Variants in ROBO1 observed in about 807,000 individuals in gnomAD.
ROBO1 encodes the protein roundabout homolog 1.
A neutral mutation model predicts 195.9 loss-of-function variants in ROBO1; 149 were observed. That is an observed-to-expected ratio of 0.76 (90% CI 0.67 to 0.87). ROBO1 has a LOEUF of 0.87. Among genes scored for constraint, ROBO1 ranks in the 40% least tolerant of loss-of-function variants. ROBO1 has a pLI of 0.00. For synonymous variants in ROBO1, 816 were observed against 733.2 expected (o/e 1.11, Z -1.82); for missense variants, 1,933 against 2,068.3 (o/e 0.93, Z 1.27).
At chr3:79,029,040 T>G (rs1290332796) in intron 3 of ROBO1, among the ~76,000 whole-genome samples, 1 of 152,082 alleles carries the variant, frequency 6.6e-6, no homozygotes, top group Non-Finnish European at 1.5e-5. Context: ...GAGAGTATAG[T>G]GTTTAACATT....
At chr3:78,850,311 A>C (rs1024085867) in intron 4 of ROBO1, among the ~76,000 whole-genome samples, 5 of 152,204 alleles carry the variant, frequency 3.3e-5, no homozygotes, top group African/African-American at 1.2e-4. Flanking sequence ...GTAGCTAAAT[A>C]AGGACAATAA....
intron 10 of ROBO1, among the ~76,000 whole-genome samples, chr3:78,684,341 T>A (rs2081001590): frequency 6.6e-6 from 1 of 152,108 alleles, no homozygotes; most frequent in African/African-American, 2.4e-5. Context: ...AAGGAATCAA[T>A]GATGATAAAA....
chr3:79,440,882 A>G (rs776762278), intron 2 of ROBO1, among the ~76,000 whole-genome samples: 6 of 152,110 alleles, frequency 3.9e-5, no homozygotes, highest in African/African-American at 9.7e-5. Context: ...GATGCCATCA[A>G]ATGGATTCAG....
At chr3:79,170,892 T>A (rs945807441) in intron 2 of ROBO1, among the ~76,000 whole-genome samples, 4 of 152,078 alleles carry the variant, frequency 2.6e-5, no homozygotes, top group Non-Finnish European at 5.9e-5. Flanking sequence ...TTCATTTCTT[T>A]TTAACAGAGT....
chr3:78,978,284 A>G (rs1447335970), intron 3 of ROBO1, among the ~76,000 whole-genome samples: 2 of 152,250 alleles, frequency 1.3e-5, no homozygotes, highest in Non-Finnish European at 2.9e-5. Context: ...AGGGAAATCC[A>G]TGTGTAACTT....
intron 2 of ROBO1, among the ~76,000 whole-genome samples, chr3:79,436,942 A>T (rs1197644922): frequency 6.6e-6 from 1 of 152,056 alleles, no homozygotes; most frequent in Non-Finnish European, 1.5e-5. Flanking sequence ...TATAGGATTC[A>T]TCTCTTTTAT....
chr3:78,624,200 T>C (rs1403015127), intron 26 of ROBO1, among the ~76,000 whole-genome samples: 2 of 152,262 alleles, frequency 1.3e-5, no homozygotes, highest in South Asian at 2.1e-4. Flanking sequence ...AGAAGAAAGA[T>C]TGAAAGGATC....
At chr3:78,834,560 TTTC>T (rs2106652679) in intron 4 of ROBO1, among the ~76,000 whole-genome samples, 1 of 151,814 alleles carries the variant, frequency 6.6e-6, no homozygotes, top group South Asian at 2.1e-4. Context: ...TATGTATTCA[TTTC>T]ATCATCAGGG....
chr3:79,203,651 C>G (rs542161479), intron 2 of ROBO1, among the ~76,000 whole-genome samples: 1 of 152,274 alleles, frequency 6.6e-6, no homozygotes, highest in Non-Finnish European at 1.5e-5. Context: ...TTCAATTTAA[C>G]TCATATATAG....
chr3:78,914,427 G>A (rs1222551088), intron 4 of ROBO1, among the ~76,000 whole-genome samples: 1 of 151,862 alleles, frequency 6.6e-6, no homozygotes, highest in Non-Finnish European at 1.5e-5. Context: ...TTGTTGAAAA[G>A]GTTTAAGGTT....
chr3:79,231,317 C>T (rs964113108), intron 2 of ROBO1, among the ~76,000 whole-genome samples: 1 of 151,856 alleles, frequency 6.6e-6, no homozygotes, highest in Non-Finnish European at 1.5e-5. Context: ...AAACTATGTA[C>T]CTGACAAAAG....
At chr3:79,567,398 G>A (rs1943123946) in intron 2 of ROBO1, among the ~76,000 whole-genome samples, 1 of 152,082 alleles carries the variant, frequency 6.6e-6, no homozygotes, top group Non-Finnish European at 1.5e-5. Context: ...AGTTAGAAAA[G>A]GAGAGAATAA....
intron 3 of ROBO1, among the ~76,000 whole-genome samples, chr3:79,008,888 CGTGTGTGTGTGTGTGT>C (rs375134341): frequency 8.2e-5 from 10 of 121,230 alleles, no homozygotes; most frequent in East Asian, 2.5e-4. Flanking sequence ...TGCACCCAGC[CGTGTGTGTGTGTGTGT>C]GTGTGTGTGT....
chr3:79,011,976 C>T (rs1235065619), intron 3 of ROBO1, among the ~76,000 whole-genome samples: 1 of 152,116 alleles, frequency 6.6e-6, no homozygotes, highest in African/African-American at 2.4e-5. Flanking sequence ...GGACTCCACG[C>T]TCCTTTCATG....
chr3:78,673,679 C>T (rs1019259234), intron 10 of ROBO1, among the ~76,000 whole-genome samples: 5 of 140,866 alleles, frequency 3.5e-5, no homozygotes, highest in East Asian at 2.1e-4. Context: ...ACTTCAAAAC[C>T]CGTCCAAAAT....
chr3:79,355,299 TA>T, intron 2 of ROBO1, among the ~76,000 whole-genome samples: 1 of 152,170 alleles, frequency 6.6e-6, no homozygotes. Context: ...GCAGCTGTAA[TA>T]AGTGCAATTT....
intron 2 of ROBO1, among the ~76,000 whole-genome samples, chr3:79,331,477 T>A (rs374477939): frequency 6.6e-6 from 1 of 152,328 alleles, no homozygotes; most frequent in East Asian, 1.9e-4. Context: ...ATTGTGTTAA[T>A]AAATAAAAAG....
intron 2 of ROBO1, among the ~76,000 whole-genome samples, chr3:79,309,288 G>T (rs972462868): frequency 6.6e-6 from 1 of 152,106 alleles, no homozygotes; most frequent in Non-Finnish European, 1.5e-5. Flanking sequence ...TCACTGTGAG[G>T]CTGGGTGCAG....
chr3:79,128,729 T>C (rs777050756), intron 2 of ROBO1, among the ~76,000 whole-genome samples: 1 of 152,164 alleles, frequency 6.6e-6, no homozygotes, highest in Non-Finnish European at 1.5e-5. Flanking sequence ...ACGTATACAC[T>C]CTTGTGAATT....
Sources: allele counts gnomAD v4.1 joint callset (sites outside exome capture counted in the v4.1 genomes callset), GRCh38; gene constraint gnomAD v4.1.1; transcripts MANE v1.5; gene names NCBI Gene and HGNC (gene_info 2026-07-23, HGNC 2026-07-21).